EYS: variants seen among roughly 807,000 people sequenced by gnomAD.
EYS encodes the protein protein eyes shut homolog.
In EYS, 250 loss-of-function variants were observed where a neutral mutation model predicts 282.1. The ratio of observed to expected loss-of-function variants is 0.89; its 90% confidence interval spans 0.80 to 0.98. The LOEUF is 0.98. Ranked by LOEUF, EYS falls within the 50% of genes least tolerant of loss-of-function variation. EYS has a pLI of 0.00. For synonymous variants in EYS, 1,355 were observed against 1,282.9 expected (o/e 1.06, Z -1.20); for missense variants, 4,016 against 3,709.0 (o/e 1.08, Z -2.15).
At chr6:64,455,012 T>G (rs181963463) in intron 26 of EYS, among the ~76,000 whole-genome samples, 22 of 152,304 alleles carry the variant, frequency 1.4e-4, no homozygotes, top group African/African-American at 5.3e-4. Flanking sequence ...CTCATTATAT[T>G]GATGTATAGA....
intron 2 of EYS, among the ~76,000 whole-genome samples, chr6:65,508,679 A>G (rs1766751882): frequency 6.6e-6 from 1 of 151,556 alleles, no homozygotes; most frequent in African/African-American, 2.4e-5. Context: ...AAAAAAAAAA[A>G]AGAAAGAAAT....
intron 20 of EYS, among the ~76,000 whole-genome samples, chr6:64,822,423 G>T (rs1326364727): frequency 6.6e-6 from 1 of 151,918 alleles, no homozygotes; most frequent in Non-Finnish European, 1.5e-5. Context: ...CACATTTATA[G>T]AAAATTACTT....
At chr6:64,688,275 T>G (rs1162393422) in intron 22 of EYS, among the ~76,000 whole-genome samples, 2 of 152,142 alleles carry the variant, frequency 1.3e-5, no homozygotes, top group African/African-American at 4.8e-5. Context: ...AGCTTTTGAA[T>G]GTGTTTGCTC....
intron 31 of EYS, among the ~76,000 whole-genome samples, chr6:64,125,175 T>TCTCTCTCTCGCGCGCG (rs1562213596): frequency 6.7e-6 from 1 of 150,306 alleles, no homozygotes; most frequent in African/African-American, 2.5e-5. Context: ...TCTCTCTCTC[T>TCTCTCTCTCGCGCGCG]CGCTCTCTCT....
At chr6:63,964,589 T>G (rs1766218976) in intron 35 of EYS, among the ~76,000 whole-genome samples, 1 of 152,180 alleles carries the variant, frequency 6.6e-6, no homozygotes, top group Non-Finnish European at 1.5e-5. Context: ...TCCTTGCCAT[T>G]AAGGGAAACA....
chr6:64,515,452 C>G (rs944278172), intron 26 of EYS, among the ~76,000 whole-genome samples: 1 of 150,840 alleles, frequency 6.6e-6, no homozygotes, highest in African/African-American at 2.4e-5. Flanking sequence ...TTATGGACAC[C>G]TGTCATTAAA....
At chr6:64,139,177 G>T (rs1774257731) in intron 31 of EYS, among the ~76,000 whole-genome samples, 1 of 152,130 alleles carries the variant, frequency 6.6e-6, no homozygotes, top group African/African-American at 2.4e-5. Flanking sequence ...GGAAAATCAA[G>T]GAGAGATGAA....
rs565811212 is a variant in EYS, at chr6:65,001,243, G to A, written c.2138-3540C>T. ...TCTTGCCTAGCGTCCCGGAAGATTC[G>A]GGTCACACATGGGCTTGAAGGTTGA... is the stretch of plus-strand genomic sequence containing the variant. On this transcript the variant is annotated intron_variant, in intron 13 of 42. Coordinates refer to ENST00000503581, the MANE Select transcript of EYS (RefSeq NM_001142800.2). Among the ~76,000 whole-genome samples, 13 of 147,706 alleles carry A rather than the reference G, an allele frequency of 8.8e-5. 1 individual carries two copies. Among genetic ancestry groups the A allele is most frequent in the African/African-American group, 3.1e-4 (13 of 41,284 alleles).
At chr6:65,561,925 G>T (rs980482897) in intron 2 of EYS, among the ~76,000 whole-genome samples, 3 of 150,960 alleles carry the variant, frequency 2.0e-5, no homozygotes, top group African/African-American at 7.3e-5. Flanking sequence ...TAAATTAAAT[G>T]GTTATAAAAA....
chr6:64,273,479 T>C (rs1253486920), intron 30 of EYS, among the ~76,000 whole-genome samples: 1 of 152,158 alleles, frequency 6.6e-6, no homozygotes, highest in East Asian at 1.9e-4. Flanking sequence ...ATAGTCTCTA[T>C]GTTTTTCCCT....
intron 5 of EYS, among the ~76,000 whole-genome samples, chr6:65,422,749 T>C (rs1022172407): frequency 6.6e-6 from 1 of 151,514 alleles, no homozygotes; most frequent in Non-Finnish European, 1.5e-5. Context: ...GTGTTATCAT[T>C]TAATAACATT....
At chr6:63,832,230 A>G (rs1336002502) in intron 36 of EYS, among the ~76,000 whole-genome samples, 1 of 152,204 alleles carries the variant, frequency 6.6e-6, no homozygotes, top group African/African-American at 2.4e-5. Flanking sequence ...GCAGAACTGA[A>G]GGAGATAGAG....
At chr6:64,598,225 C>T (rs527883963) in intron 24 of EYS, among the ~76,000 whole-genome samples, 1 of 152,316 alleles carries the variant, frequency 6.6e-6, no homozygotes, top group African/African-American at 2.4e-5. Context: ...CTTTGGGAGG[C>T]CCAGGTGGGC....
At chr6:64,399,371 A>G (rs889843739) in intron 28 of EYS, among the ~76,000 whole-genome samples, 1 of 151,652 alleles carries the variant, frequency 6.6e-6, no homozygotes, top group Non-Finnish European at 1.5e-5. Context: ...ATATATCTGG[A>G]TTTATTTTCT....
chr6:63,829,568 C>T (rs1347820174), intron 36 of EYS, among the ~76,000 whole-genome samples: 1 of 152,222 alleles, frequency 6.6e-6, no homozygotes, highest in East Asian at 1.9e-4. Flanking sequence ...AGCTGGGAAG[C>T]TCAAACTGGG....
chr6:64,686,527 GT>G (rs1770108132), intron 22 of EYS, among the ~76,000 whole-genome samples: 1 of 150,860 alleles, frequency 6.6e-6, no homozygotes, highest in South Asian at 2.1e-4. Flanking sequence ...GGATCACGAG[GT>G]CAGGAGATCG....
chr6:64,209,918 C>A (rs986067796), intron 31 of EYS, among the ~76,000 whole-genome samples: 7 of 151,956 alleles, frequency 4.6e-5, no homozygotes, highest in Non-Finnish European at 1.0e-4. Flanking sequence ...TGTCATGAGC[C>A]CTGAACCTCT....
intron 31 of EYS, among the ~76,000 whole-genome samples, chr6:64,139,668 TAAGTA>T (rs1272845438): frequency 1.3e-5 from 2 of 151,940 alleles, no homozygotes; most frequent in Non-Finnish European, 2.9e-5. Flanking sequence ...AAATATTTGA[TAAGTA>T]AATAAATAAA....
rs35882916 is a variant in EYS at position 65,367,493 on chromosome 6, A to T, written c.1300-13876T>A. Among the ~76,000 whole-genome samples the T allele has an allele frequency of 9.5e-3, 1,439 of 151,860 alleles. 16 individuals are homozygous for T. Among genetic ancestry groups the T allele is most frequent in the Non-Finnish European group, 0.017 (1,171 of 67,908 alleles). Reference sequence around the variant, plus strand: ...GTGACATTCTCAATTTCTCTAAGACATTTAAAATGTCTATATGTTTCCTTT... The same window carrying T: ...GTGACATTCTCAATTTCTCTAAGACTTTTAAAATGTCTATATGTTTCCTTT... On this transcript the variant is annotated intron_variant, in intron 8 of 42. Transcript: ENST00000503581.
Sources: gnomAD v4.1 joint callset for allele counts (sites outside exome capture counted in the v4.1 genomes callset) on GRCh38, gnomAD v4.1.1 for gene constraint, MANE v1.5 for transcripts, NCBI Gene and HGNC (gene_info 2026-07-23, HGNC 2026-07-21) for gene names.